Variants in PDS5B observed in about 807,000 individuals in gnomAD.
The protein encoded by PDS5B is sister chromatid cohesion protein PDS5 homolog B.
A neutral mutation model predicts 184.1 loss-of-function variants in PDS5B; 51 were observed. The ratio of observed to expected loss-of-function variants is 0.28; its 90% confidence interval spans 0.22 to 0.35. The LOEUF is 0.35. Ranked by LOEUF, PDS5B falls within the 10% of genes least tolerant of loss-of-function variation. The pLI, the probability that PDS5B is intolerant of heterozygous loss-of-function variation, is 1.00. For missense variants in PDS5B, 1,180 were observed against 1,723.3 expected (o/e 0.68, Z 5.58); for synonymous variants, 566 against 569.2 (o/e 0.99, Z 0.08).
At chr13:32,696,610 T>C (rs1951713888) in intron 14 of PDS5B, among the ~76,000 whole-genome samples, 1 of 151,812 alleles carries the variant, frequency 6.6e-6, no homozygotes, top group Non-Finnish European at 1.5e-5. Flanking sequence ...AGCTGTCTGA[T>C]TTCTGTTTGG....
chr13:32,613,875 A>G (rs560822107), intron 1 of PDS5B, among the ~76,000 whole-genome samples: 15 of 152,260 alleles, frequency 9.9e-5, no homozygotes, highest in African/African-American at 3.4e-4. Flanking sequence ...TTTAGCTCTT[A>G]TATTTAGGTC....
chr13:32,717,987 A>T (rs1010630586), intron 19 of PDS5B, among the ~76,000 whole-genome samples: 1 of 151,586 alleles, frequency 6.6e-6, no homozygotes, highest in Non-Finnish European at 1.5e-5. Flanking sequence ...GAGAATTTAA[A>T]TAATAAAGCG....
chr13:32,692,414 C>CTATTTTTTTT (rs1593440334), intron 13 of PDS5B, among the ~76,000 whole-genome samples: 2 of 69,124 alleles, frequency 2.9e-5, no homozygotes, highest in African/African-American at 1.0e-4. Context: ...GTCCAAAAAG[C>CTATTTTTTTT]CTTTTTTTTT....
chr13:32,679,259 C>G (rs924910168), intron 10 of PDS5B, among the ~76,000 whole-genome samples: 3 of 152,054 alleles, frequency 2.0e-5, no homozygotes, highest in African/African-American at 7.2e-5. Context: ...AAGACCTGTT[C>G]AAATCCAAAT....
chr13:32,656,692 G>C (rs1204436932), intron 3 of PDS5B, among the ~76,000 whole-genome samples: 4 of 151,656 alleles, frequency 2.6e-5, no homozygotes, highest in African/African-American at 7.3e-5. Flanking sequence ...TGCCTCCTGG[G>C]TACAAGCAAT....
At chr13:32,676,134 A>C (rs1193235450) in intron 9 of PDS5B, among the ~76,000 whole-genome samples, 175 bp downstream of exon 9, 1 of 152,166 alleles carries the variant, frequency 6.6e-6, no homozygotes, top group African/African-American at 2.4e-5. Flanking sequence ...TACTCTTTTT[A>C]GTCTTTATCC....
chr13:32,742,188 ATACTT>A (rs1212009225), intron 22 of PDS5B, among the ~76,000 whole-genome samples: 1 of 152,230 alleles, frequency 6.6e-6, no homozygotes, highest in Admixed American at 6.5e-5. Flanking sequence ...GGGTGTAAAA[ATACTT>A]TAAATACTTC....
intron 1 of PDS5B, among the ~76,000 whole-genome samples, chr13:32,606,638 C>T (rs191598443): frequency 1.3e-5 from 2 of 152,304 alleles, no homozygotes; most frequent in East Asian, 3.9e-4. Context: ...GGGAAGTTCT[C>T]CTGGATAATA....
intron 1 of PDS5B, among the ~76,000 whole-genome samples, chr13:32,604,288 G>A (rs1026906766): frequency 2.0e-5 from 3 of 152,174 alleles, no homozygotes; most frequent in Non-Finnish European, 4.4e-5. Context: ...AGCATGAAGG[G>A]CTGTTGAATT....
intron 1 of PDS5B, among the ~76,000 whole-genome samples, chr13:32,611,476 T>C (rs1231107428): frequency 6.6e-6 from 1 of 151,808 alleles, no homozygotes; most frequent in Non-Finnish European, 1.5e-5. Context: ...TGAAAGACAT[T>C]TGATCATTTT....
intron 6 of PDS5B, among the ~76,000 whole-genome samples, chr13:32,662,726 AAAC>A (rs2140716964): frequency 1.3e-5 from 2 of 152,268 alleles, no homozygotes; most frequent in African/African-American, 4.8e-5. Context: ...ACATGAGAAT[AAAC>A]AAATTATACA....
chr13:32,687,046 G>A, intron 11 of PDS5B, 88 bp from the exon 12 acceptor site: 1 of 1,011,050 alleles, frequency 9.9e-7, no homozygotes, highest in Non-Finnish European at 1.5e-6. Flanking sequence ...ATAAAGGGAA[G>A]GAAAACACAA....
chr13:32,650,913 C>T (rs918771955), intron 2 of PDS5B, among the ~76,000 whole-genome samples: 3 of 152,126 alleles, frequency 2.0e-5, no homozygotes, highest in African/African-American at 7.2e-5. Context: ...CCACTTGTTG[C>T]CTAGTATTTG....
chr13:32,742,812 C>CT (rs533631330), intron 23 of PDS5B, 85 bp downstream of exon 23: 4,653 of 1,093,504 alleles, frequency 4.3e-3, no homozygotes, highest in Non-Finnish European at 4.8e-3. Flanking sequence ...GTTTCTTTTT[C>CT]TTTTTTTTTT....
intron 1 of PDS5B, among the ~76,000 whole-genome samples, chr13:32,587,834 C>G (rs995429034): frequency 2.0e-5 from 3 of 152,212 alleles, no homozygotes; most frequent in Non-Finnish European, 4.4e-5. Flanking sequence ...GAAATAGTTT[C>G]GAAAACTTTG....
intron 1 of PDS5B, among the ~76,000 whole-genome samples, chr13:32,601,146 A>G (rs1237867625): frequency 6.6e-6 from 1 of 152,114 alleles, no homozygotes; most frequent in Non-Finnish European, 1.5e-5. Context: ...TTCTTTCATG[A>G]TCAGATCTCC....
At chr13:32,744,183 A>G (rs1555315190) in intron 23 of PDS5B, among the ~76,000 whole-genome samples, 1 of 152,170 alleles carries the variant, frequency 6.6e-6, no homozygotes, top group Non-Finnish European at 1.5e-5. Context: ...TAGATTCTTC[A>G]TCTGTAAAAT....
intron 16 of PDS5B, among the ~76,000 whole-genome samples, chr13:32,700,827 C>A (rs1344818783): frequency 2.0e-5 from 3 of 152,062 alleles, no homozygotes; most frequent in African/African-American, 7.2e-5. Context: ...GATTCTTAAT[C>A]TGTTACCTAT....
chr13:32,700,726 T>A (rs1951840883), intron 16 of PDS5B, among the ~76,000 whole-genome samples: 1 of 152,160 alleles, frequency 6.6e-6, no homozygotes, highest in Non-Finnish European at 1.5e-5. Flanking sequence ...TTTAGGTAAG[T>A]CAGTATTTTC....
Sources: allele counts gnomAD v4.1 joint callset (sites outside exome capture counted in the v4.1 genomes callset), GRCh38; gene constraint gnomAD v4.1.1; transcripts MANE v1.5; gene names NCBI Gene and HGNC (gene_info 2026-07-23, HGNC 2026-07-21).